Variants in OPCML observed in about 807,000 individuals in gnomAD.
The protein encoded by OPCML is opioid binding protein/cell adhesion molecule like.
Under a neutral mutation model 37.8 loss-of-function variants are expected in OPCML, and 13 were observed. That is an observed-to-expected ratio of 0.34 (90% CI 0.22 to 0.55). OPCML has a LOEUF of 0.55. Ranked by LOEUF, OPCML falls within the 20% of genes least tolerant of loss-of-function variation. The pLI, the probability that OPCML is intolerant of heterozygous loss-of-function variation, is 0.91. For missense variants in OPCML, 341 were observed against 435.6 expected (o/e 0.78, Z 1.93); for synonymous variants, 176 against 168.8 (o/e 1.04, Z -0.33).
intron 1 of OPCML, among the ~76,000 whole-genome samples, chr11:133,315,882 A>G (rs1295366424): frequency 6.6e-6 from 1 of 152,156 alleles, no homozygotes; most frequent in Non-Finnish European, 1.5e-5. Flanking sequence ...TCATCAGTGA[A>G]CTAATTCGAC....
rs1940207601 is a variant in OPCML at position 132,824,897 on chromosome 11, T to C, written c.146+118029A>G. On this transcript the variant is annotated intron_variant, in intron 2 of 7. Transcript: ENST00000524381. ...TATCCACCTGTCTAAAGGCCTTGTATGCTCCCTTCTCTGTGTCTGGAAGGC... is the reference window on the plus strand; with the variant it reads ...TATCCACCTGTCTAAAGGCCTTGTACGCTCCCTTCTCTGTGTCTGGAAGGC... 2.0e-5 allele frequency among the ~76,000 whole-genome samples: 3 copies of C among 152,282 alleles called. No homozygotes were observed. The South Asian group carries it at 6.2e-4, about 32-fold the overall frequency.
intron 3 of OPCML, among the ~76,000 whole-genome samples, chr11:132,561,481 C>T (rs929869392): frequency 2.0e-5 from 3 of 152,202 alleles, no homozygotes; most frequent in Non-Finnish European, 1.5e-5. Context: ...GTCTGCCATC[C>T]CCACTCAGTG....
chr11:132,540,962 C>T (rs73588933), intron 3 of OPCML, among the ~76,000 whole-genome samples: 2 of 152,264 alleles, frequency 1.3e-5, no homozygotes, highest in Middle Eastern at 3.4e-3. Context: ...CTTTCCCCCC[C>T]GACTTGTAGG....
chr11:133,482,565 GCTGAATGCTC>G (rs1947401628), intron 1 of OPCML, among the ~76,000 whole-genome samples: 1 of 152,092 alleles, frequency 6.6e-6, no homozygotes, highest in Admixed American at 6.5e-5. Flanking sequence ...GGAGGAGGCT[GCTGAATGCTC>G]CTGTTACCTC....
At chr11:133,304,992 T>C (rs1262381183) in intron 1 of OPCML, among the ~76,000 whole-genome samples, 5 of 152,162 alleles carry the variant, frequency 3.3e-5, no homozygotes, top group Non-Finnish European at 5.9e-5. Context: ...AACTACAGTC[T>C]CAAAACTGCA....
chr11:132,780,287 T>A (rs11223201), intron 2 of OPCML, among the ~76,000 whole-genome samples: 5,632 of 152,308 alleles, frequency 0.037, 123 homozygotes, highest in Non-Finnish European at 0.057. Context: ...TGAGAGGGAT[T>A]TGCTGGTTCC....
rs146154343 is a variant in OPCML, at chr11:133,367,577, T to C, written c.61+164687A>G. Among the ~76,000 whole-genome samples, 493 of 152,344 alleles carry C rather than the reference T, an allele frequency of 3.2e-3. 2 individuals are homozygous for C. Among genetic ancestry groups the C allele is most frequent in the African/African-American group, 0.01 (431 of 41,584 alleles). ...ACCTTTGCCAAAAGCCACAGAGGCA[T>C]AATCAGGGCCTTTCGAGTAAAGCAG... On this transcript the variant is annotated intron_variant, in intron 1 of 7. Coordinates refer to ENST00000524381, the MANE Select transcript of OPCML (RefSeq NM_001012393.5).
At chr11:133,277,599 C>T (rs763098236) in intron 1 of OPCML, among the ~76,000 whole-genome samples, 7 of 151,986 alleles carry the variant, frequency 4.6e-5, no homozygotes, top group Non-Finnish European at 1.0e-4. Context: ...CTTTAAGTTA[C>T]GCGAGGCCAG....
chr11:133,422,933 G>A (rs910161200), intron 1 of OPCML: 2 of 984,954 alleles, frequency 2.0e-6, no homozygotes, highest in African/African-American at 1.7e-5. Context: ...AGCAGAACTG[G>A]GGCTAGAACA....
rs1352840835 is a variant in OPCML at position 133,289,017 on chromosome 11, AG to A, written c.61+243246del. ...TCTTAGAACACAGTCACAGACATGC[AG>A]GGAGAAACTGAGGGCCCTGGGACAT... is the stretch of plus-strand genomic sequence containing the variant. On this transcript the variant is annotated intron_variant, in intron 1 of 7. Transcript: ENST00000524381. Among the ~76,000 whole-genome samples the A allele has an allele frequency of 3.9e-5, 6 of 152,332 alleles. No homozygotes were observed. The South Asian group carries it at 1.2e-3, about 32-fold the overall frequency.
chr11:132,596,576 G>T (rs902895251), intron 3 of OPCML, among the ~76,000 whole-genome samples: 1 of 152,160 alleles, frequency 6.6e-6, no homozygotes, highest in African/African-American at 2.4e-5. Context: ...GACCTACTCT[G>T]TCAAGGGTTG....
intron 1 of OPCML, among the ~76,000 whole-genome samples, chr11:133,338,345 C>T (rs907145809): frequency 2.0e-5 from 3 of 152,038 alleles, no homozygotes; most frequent in Non-Finnish European, 4.4e-5. Context: ...CCCAGGTGGG[C>T]GATGCCATAT....
intron 1 of OPCML, among the ~76,000 whole-genome samples, chr11:133,487,820 A>T (rs1237816023): frequency 1.3e-5 from 2 of 151,226 alleles, no homozygotes; most frequent in Non-Finnish European, 3.0e-5. Flanking sequence ...TGTAAATTTA[A>T]AGTAATCCCA....
chr11:133,514,310 C>A (rs1948217693), intron 1 of OPCML, among the ~76,000 whole-genome samples: 1 of 152,176 alleles, frequency 6.6e-6, no homozygotes, highest in Non-Finnish European at 1.5e-5. Flanking sequence ...AGTTTTGGAG[C>A]TTTGGAGACA....
At chr11:133,530,195 T>C (rs1408946517) in intron 1 of OPCML, among the ~76,000 whole-genome samples, 1 of 152,082 alleles carries the variant, frequency 6.6e-6, no homozygotes, top group Non-Finnish European at 1.5e-5. Flanking sequence ...CGGCTTTAGT[T>C]TCGGGTACTT....
At chr11:132,691,608 G>T (rs569503460) in intron 2 of OPCML, among the ~76,000 whole-genome samples, 1 of 152,170 alleles carries the variant, frequency 6.6e-6, no homozygotes, top group Admixed American at 6.5e-5. Context: ...ACAGCACCTG[G>T]TGTACTCCCA....
At chr11:132,592,879 A>C (rs1321401569) in intron 3 of OPCML, among the ~76,000 whole-genome samples, 1 of 152,222 alleles carries the variant, frequency 6.6e-6, no homozygotes, top group Non-Finnish European at 1.5e-5. Flanking sequence ...TCATTTATTC[A>C]TCTAACAGTT....
intron 1 of OPCML, among the ~76,000 whole-genome samples, chr11:133,346,257 G>C (rs1178330682): frequency 6.6e-6 from 1 of 152,208 alleles, no homozygotes; most frequent in African/African-American, 2.4e-5. Context: ...GAGTTAGCGA[G>C]TCTGGCTCAG....
chr11:132,759,658 A>AT (rs201339277), intron 2 of OPCML, among the ~76,000 whole-genome samples: 3,064 of 151,900 alleles, frequency 0.02, 81 homozygotes, highest in African/African-American at 0.067. Context: ...CCCCTTTATC[A>AT]TTTTTATTGT....
Sources: allele counts gnomAD v4.1 joint callset (sites outside exome capture counted in the v4.1 genomes callset), GRCh38; gene constraint gnomAD v4.1.1; transcripts MANE v1.5; gene names NCBI Gene and HGNC (gene_info 2026-07-23, HGNC 2026-07-21).